The following FILIP1L variants were observed in gnomAD, a reference collection of about 807,000 sequenced individuals.
The protein encoded by FILIP1L is filamin A interacting protein 1 like.
FILIP1L carries 55 observed loss-of-function variants against 96.6 expected under a neutral mutation model. The ratio of observed to expected loss-of-function variants is 0.57; its 90% CI spans 0.46 to 0.71. The LOEUF is 0.71. FILIP1L is among the 30% of genes least tolerant of loss of function. FILIP1L has a pLI of 0.00. For synonymous variants in FILIP1L, 467 were observed against 473.9 expected (o/e 0.99, Z 0.19); for missense variants, 1,304 against 1,321.2 (o/e 0.99, Z 0.20).
chr3:99,916,444 AC>A (rs1706955061), intron 4 of FILIP1L, among the ~76,000 whole-genome samples: 1 of 54,900 alleles, frequency 1.8e-5, no homozygotes, highest in African/African-American at 7.0e-5. Context: ...TTATACACAC[AC>A]ACACACACAC....
At chr3:99,840,901 A>G (rs1425996800) in intron 5 of FILIP1L, among the ~76,000 whole-genome samples, 1 of 152,206 alleles carries the variant, frequency 6.6e-6, no homozygotes. Flanking sequence ...TTGTTAATCT[A>G]CTGTGGTCTT....
chr3:100,034,154 T>G (rs981802920), intron 1 of FILIP1L, among the ~76,000 whole-genome samples: 1 of 152,212 alleles, frequency 6.6e-6, no homozygotes, highest in Admixed American at 6.5e-5. Context: ...TTATGGACAC[T>G]AAATTCCATT....
At chr3:99,899,668 T>C (rs767122257) in intron 4 of FILIP1L, among the ~76,000 whole-genome samples, 205 of 152,358 alleles carry the variant, frequency 1.3e-3, no homozygotes, top group Non-Finnish European at 2.5e-3. Context: ...ATTGTTATGA[T>C]AGATGCTTTG....
At chr3:99,924,095 C>T in intron 4 of FILIP1L, 135 bp downstream of exon 4, 1 of 761,042 alleles carries the variant, frequency 1.3e-6, no homozygotes, top group Non-Finnish European at 2.2e-6. Context: ...CAAACATATC[C>T]TTTTCCTCAC....
intron 4 of FILIP1L, among the ~76,000 whole-genome samples, chr3:99,911,139 T>A (rs1412279047): frequency 6.6e-6 from 1 of 152,158 alleles, no homozygotes; most frequent in Non-Finnish European, 1.5e-5. Flanking sequence ...GGATTTAGGA[T>A]GAAATGAGAT....
intron 1 of FILIP1L, among the ~76,000 whole-genome samples, chr3:99,952,097 A>T (rs1173544627): frequency 1.3e-5 from 2 of 152,122 alleles, no homozygotes; most frequent in African/African-American, 4.8e-5. Context: ...TAAAGAGAAT[A>T]TATAGATTTG....
intron 5 of FILIP1L, among the ~76,000 whole-genome samples, chr3:99,835,037 A>T (rs1304774186): frequency 1.3e-5 from 2 of 151,712 alleles, no homozygotes. Context: ...TCCTTATATC[A>T]CTTCTTAAGA....
Position 100,064,810 on chromosome 3 carries a change from T to A in FILIP1L, c.-11+49243A>T, listed in dbSNP as rs192907956. Among the ~76,000 whole-genome samples, 1,103 of 149,048 alleles carry A rather than the reference T, an allele frequency of 7.4e-3. 18 individuals carry two copies. The highest frequency in any genetic ancestry group is 0.025 in the African/African-American group (1,017 of 40,146). ...TCAATTTGACAAACAGCTAATTTTTTAAGGAATTCAGCAGTTGGATTTCCA... is the reference window on the plus strand; with the variant it reads ...TCAATTTGACAAACAGCTAATTTTTAAAGGAATTCAGCAGTTGGATTTCCA... On this transcript the variant is annotated intron_variant, in intron 1 of 5. Coordinates refer to ENST00000477258, the MANE Select transcript of FILIP1L (RefSeq NM_001387850.1).
At chr3:100,098,908 A>G (rs1056576508) in intron 1 of FILIP1L, among the ~76,000 whole-genome samples, 3 of 152,216 alleles carry the variant, frequency 2.0e-5, no homozygotes, top group African/African-American at 7.2e-5. Context: ...CTGGAACTAG[A>G]TACTTCTCAA....
rs1215580593 is a variant in FILIP1L at position 99,945,170 on chromosome 3, G to A, written c.-10-14140C>T. On this transcript the variant is annotated intron_variant, in intron 1 of 5. Coordinates refer to ENST00000477258, the MANE Select transcript of FILIP1L (RefSeq NM_001387850.1). Reference sequence around the variant, plus strand: ...CTGTGACTAGACCCTATGAGTTCGGGTTAAGTCCTGGGTTCTTCAGACTGA... The same window carrying A: ...CTGTGACTAGACCCTATGAGTTCGGATTAAGTCCTGGGTTCTTCAGACTGA... Among the ~76,000 whole-genome samples, 4 of 152,162 alleles carry A rather than the reference G, an allele frequency of 2.6e-5. No individual in the cohort carries two copies. In the South Asian group the frequency reaches 8.3e-4, roughly 32 times the overall value.
At chr3:99,922,579 TTGAGGTAAC>T (rs372531636) in intron 4 of FILIP1L, among the ~76,000 whole-genome samples, 11 of 152,330 alleles carry the variant, frequency 7.2e-5, no homozygotes, top group African/African-American at 1.2e-4. Context: ...AGCCTAGATA[TTGAGGTAAC>T]TAACTTAAGT....
Position 99,886,074 on chromosome 3 carries a change from A to T in FILIP1L, c.606-35004T>A, listed in dbSNP as rs535894145. Reference sequence around the variant, plus strand: ...TACACTTTCCTTTCTATATCAAGGAAGGTGGAATATTCAAACAGAACACTC... The same window carrying T: ...TACACTTTCCTTTCTATATCAAGGATGGTGGAATATTCAAACAGAACACTC... On this transcript the variant is annotated intron_variant, in intron 4 of 5. Coordinates refer to ENST00000477258, the MANE Select transcript of FILIP1L (RefSeq NM_001387850.1). Among the ~76,000 whole-genome samples, 14 of 152,378 alleles carry T rather than the reference A, an allele frequency of 9.2e-5. No individual in the cohort carries two copies. The South Asian group carries it at 2.1e-3, about 23-fold the overall frequency.
intron 4 of FILIP1L, among the ~76,000 whole-genome samples, chr3:99,875,057 A>C (rs984590842): frequency 6.6e-6 from 1 of 152,214 alleles, no homozygotes; most frequent in Non-Finnish European, 1.5e-5. Flanking sequence ...CATAGTTGTT[A>C]AAGTTTTATT....
chr3:100,027,789 C>T (rs546163352), intron 1 of FILIP1L, among the ~76,000 whole-genome samples: 1 of 152,230 alleles, frequency 6.6e-6, no homozygotes, highest in South Asian at 2.1e-4. Flanking sequence ...AGCAATAAGT[C>T]AGAGGAAGAT....
intron 1 of FILIP1L, among the ~76,000 whole-genome samples, chr3:99,971,333 CA>C (rs34655586): frequency 8.1e-4 from 98 of 121,460 alleles, no homozygotes; most frequent in Admixed American, 6.9e-4. Flanking sequence ...GAGCCCATCT[CA>C]AAAAAAAAAA....
At chr3:99,859,700 T>G (rs777494551) in intron 4 of FILIP1L, among the ~76,000 whole-genome samples, 11 of 152,238 alleles carry the variant, frequency 7.2e-5, no homozygotes, top group Non-Finnish European at 1.3e-4. Flanking sequence ...CATGGTTAAA[T>G]AACCATGGAT....
chr3:100,076,595 AT>A (rs976835445), intron 1 of FILIP1L, among the ~76,000 whole-genome samples: 4 of 152,004 alleles, frequency 2.6e-5, no homozygotes, highest in Admixed American at 2.6e-4. Flanking sequence ...CTTCTGAGTT[AT>A]TTTTTCCTGG....
intron 1 of FILIP1L, among the ~76,000 whole-genome samples, chr3:100,035,551 C>G (rs1227332183): frequency 6.6e-6 from 1 of 152,220 alleles, no homozygotes; most frequent in East Asian, 1.9e-4. Context: ...GCGTGAGACA[C>G]TGCACACAGC....
At chr3:99,885,068 C>A (rs548501420) in intron 4 of FILIP1L, among the ~76,000 whole-genome samples, 1 of 152,328 alleles carries the variant, frequency 6.6e-6, no homozygotes, top group East Asian at 1.9e-4. Context: ...TTCCTTTCAG[C>A]AGTCAACTAT....
Sources: gnomAD v4.1 joint callset for allele counts (sites outside exome capture counted in the v4.1 genomes callset) on GRCh38, gnomAD v4.1.1 for gene constraint, MANE v1.5 for transcripts, NCBI Gene and HGNC (gene_info 2026-07-23, HGNC 2026-07-21) for gene names.